Variants in ALDH5A1 observed in about 807,000 individuals in gnomAD.
The protein encoded by ALDH5A1 is aldehyde dehydrogenase 5 family member A1.
Under a neutral mutation model 54.7 loss-of-function variants are expected in ALDH5A1, and 33 were observed. The ratio of observed to expected loss-of-function variants is 0.60; its 90% confidence interval spans 0.46 to 0.81. ALDH5A1 has a LOEUF of 0.81. ALDH5A1 is among the 30% of genes least tolerant of loss of function. ALDH5A1 has a pLI of 0.00. For missense variants in ALDH5A1, 657 were observed against 711.0 expected (o/e 0.92, Z 0.86); for synonymous variants, 294 against 292.7 (o/e 1.00, Z -0.05).
chr6:24,527,559 G>A (rs141787617), intron 7 of ALDH5A1, among the ~76,000 whole-genome samples: 3,239 of 151,918 alleles, frequency 0.021, 117 homozygotes, highest in African/African-American at 0.074. Context: ...GTGACAGAGC[G>A]AGATTCCATC....
In ALDH5A1 at chr6:24,495,348, A is replaced by G; in HGVS notation, c.352A>G (p.Lys118Glu). 6.5e-7 allele frequency: 1 copy of G among 1,532,682 alleles called. No homozygotes were observed. Among genetic ancestry groups the G allele is most frequent in the Non-Finnish European group, 8.7e-7 (1 of 1,146,200 alleles). 94.9% of individuals were successfully genotyped at this position (1,532,682 alleles called of 1,614,324 possible). Reference sequence around the variant, plus strand: ...CTGCCGCTGGAGGGAGGTCTCCGCCAAGGTGAGAGAGCCCGGATGCAGGGG... The same window carrying G: ...CTGCCGCTGGAGGGAGGTCTCCGCCGAGGTGAGAGAGCCCGGATGCAGGGG... ...AFCRWREVSA[K>E]ERSSLLRKWY... Residue 118 changes from lysine to glutamate, a missense_variant and splice_region_variant, in exon 1 of 10, where the codon AAG becomes GAG. Lys to Glu is a moderately conservative substitution (Grantham distance 56). This residue lies in a region of ALDH5A1 where 232 missense variants were observed against 194.6 expected (regional missense o/e 1.19). Coordinates refer to ENST00000357578, the MANE Select transcript of ALDH5A1 (RefSeq NM_001080.3).
chr6:24,499,845 G>C (rs1269275929), intron 1 of ALDH5A1, among the ~76,000 whole-genome samples: 2 of 152,028 alleles, frequency 1.3e-5, no homozygotes, highest in Non-Finnish European at 2.9e-5. Context: ...ATTTTTAGTA[G>C]AGACGGGGTT....
chr6:24,527,942 A>G, intron 7 of ALDH5A1, 55 bp from the exon 8 acceptor site: 1 of 1,598,082 alleles, frequency 6.3e-7, no homozygotes, highest in South Asian at 1.1e-5. Context: ...CTGCAGTTTA[A>G]ACATTCTAAA....
chr6:24,513,819 T>C (rs1215464096), intron 4 of ALDH5A1, among the ~76,000 whole-genome samples: 6 of 151,298 alleles, frequency 4.0e-5, no homozygotes, highest in South Asian at 2.2e-4. Context: ...TGCTGCCCCC[T>C]GCTTCCTCTC....
intron 4 of ALDH5A1, among the ~76,000 whole-genome samples, chr6:24,508,157 G>A (rs1177107814): frequency 1.3e-5 from 2 of 151,870 alleles, no homozygotes; most frequent in East Asian, 3.9e-4. Context: ...AAGCTCAAGA[G>A]ATTGAGACCA....
rs1174814411 is a variant in ALDH5A1, at chr6:24,536,500, C to G, written c.*2788C>G. Reference sequence around the variant, plus strand: ...AAAGCCTAAAAGATTTACTACTTGTCTCCTTAAAGAAAAAGTTTGCCAGCT... The same window carrying G: ...AAAGCCTAAAAGATTTACTACTTGTGTCCTTAAAGAAAAAGTTTGCCAGCT... On this transcript the variant is annotated 3_prime_UTR_variant, in exon 10 of 10. Coordinates refer to ENST00000357578, the MANE Select transcript of ALDH5A1 (RefSeq NM_001080.3). 1 of 152,170 alleles carries G rather than the reference C, an allele frequency of 6.6e-6. No individual in the cohort carries two copies. 9.4% of individuals were successfully genotyped at this position (152,170 alleles called of 1,614,324 possible).
Position 24,522,756 on chromosome 6 carries a change from C to G in ALDH5A1, c.1015-11C>G, listed in dbSNP as rs1759719904. ...ACAGACTGTGTGGGTTTGTTTTTGT[C>G]TCCTGTCCAGACTTGTGTTTGCTCA... On this transcript the variant is annotated splice_polypyrimidine_tract_variant and intron_variant, in intron 6 of 9. Coordinates refer to ENST00000357578, the MANE Select transcript of ALDH5A1 (RefSeq NM_001080.3). 1.2e-6 allele frequency: 2 copies of G among 1,613,488 alleles called. No homozygotes were observed. Among genetic ancestry groups the G allele is most frequent in the Admixed American group, 1.7e-5 (1 of 59,966 alleles).
rs9461035 is a variant in ALDH5A1 at position 24,520,344 on chromosome 6, C to T, written c.871-57C>T. On this transcript the variant is annotated intron_variant, in intron 5 of 9. Transcript: ENST00000357578. Reference sequence around the variant, plus strand: ...ATTTGGTAATTTTTTTAAACAAAGGCTTAACAATCCTGGTAATGGATTTCT... The same window carrying T: ...ATTTGGTAATTTTTTTAAACAAAGGTTTAACAATCCTGGTAATGGATTTCT... The T allele has an allele frequency of 0.038, 60,406 of 1,609,466 alleles. 2,715 individuals carry two copies. The highest frequency in any genetic ancestry group is 0.22 in the African/African-American group (16,638 of 74,854).
intron 4 of ALDH5A1, 33 bp from the exon 5 acceptor site, chr6:24,515,134 T>C: frequency 7.4e-7 from 1 of 1,348,144 alleles, no homozygotes; most frequent in Non-Finnish European, 1.0e-6. Context: ...GTTTGGTAAA[T>C]TGTTGGCACA....
rs185215405 is a variant in ALDH5A1, at chr6:24,517,968, T to C, written c.871-2433T>C. ...AGGACAGCAGCCATGTTGTAAAGCATATGATACCTCATCTCTTCCTCTGTT... is the reference window on the plus strand; with the variant it reads ...AGGACAGCAGCCATGTTGTAAAGCACATGATACCTCATCTCTTCCTCTGTT... On this transcript the variant is annotated intron_variant, in intron 5 of 9. Transcript: ENST00000357578. Among the ~76,000 whole-genome samples the C allele has an allele frequency of 9.8e-4, 149 of 152,322 alleles. 1 individual carries two copies. The highest frequency in any genetic ancestry group is 3.5e-4 in the Non-Finnish European group (24 of 68,020).
chr6:24,522,623 A>T lies in ALDH5A1; in HGVS notation c.1015-144A>T, dbSNP rs180948463. The T allele has an allele frequency of 6.2e-4, 584 of 939,834 alleles. 5 individuals are homozygous for T. In the Middle Eastern group the frequency reaches 6.9e-3, roughly 11 times the overall value. The allele number at this position is 939,834 out of a possible 1,614,324, so 58.2% of individuals were successfully genotyped here. ...TGCTTTTATCTTTGGGGCCAAGCCCACGTGAGGAGGAAAATGGCAGTTTGA... is the reference window on the plus strand; with the variant it reads ...TGCTTTTATCTTTGGGGCCAAGCCCTCGTGAGGAGGAAAATGGCAGTTTGA... On this transcript the variant is annotated intron_variant, in intron 6 of 9. Coordinates refer to ENST00000357578, the MANE Select transcript of ALDH5A1 (RefSeq NM_001080.3).
At chr6:24,532,779 T>C (rs1430082383) in intron 9 of ALDH5A1, among the ~76,000 whole-genome samples, 1 of 152,092 alleles carries the variant, frequency 6.6e-6, no homozygotes, top group Non-Finnish European at 1.5e-5. Flanking sequence ...GCTTCCCCTC[T>C]AGCTGTAAGA....
At chr6:24,522,166 T>C (rs1041975774) in intron 6 of ALDH5A1, among the ~76,000 whole-genome samples, 6 of 152,090 alleles carry the variant, frequency 3.9e-5, no homozygotes, top group Non-Finnish European at 8.8e-5. Flanking sequence ...AAAAATTAGC[T>C]GGGCATGGTG....
chr6:24,506,273 T>TTTG lies in ALDH5A1; in HGVS notation c.726+1288_726+1289insTTG, dbSNP rs1390825941. 4.8e-5 allele frequency among the ~76,000 whole-genome samples: 5 copies of TTTG among 105,012 alleles called. 1 individual carries two copies. The highest frequency in any genetic ancestry group is 5.5e-5 in the Non-Finnish European group (3 of 54,406). The allele number at this position is 105,012 out of a possible 152,430, so 68.9% of individuals were successfully genotyped here. On this transcript the variant is annotated intron_variant, in intron 4 of 9. Transcript: ENST00000357578. ...TTTTTTTTTTTTTTTTTTTTTTTTT[T>TTTG]GAGACAGTCTCGCTCTGTCACCCAG...
intron 5 of ALDH5A1, among the ~76,000 whole-genome samples, chr6:24,519,841 T>G (rs1299199780): frequency 6.6e-6 from 1 of 152,076 alleles, no homozygotes; most frequent in African/African-American, 2.4e-5. Context: ...CAGTGTAAGC[T>G]GTGGGTTGTG....
intron 9 of ALDH5A1, 124 bp from the exon 10 acceptor site, chr6:24,533,383 G>C: frequency 1.0e-6 from 1 of 971,162 alleles, no homozygotes; most frequent in East Asian, 2.6e-5. Flanking sequence ...ACTTTATCTG[G>C]GAGCAGGGAA....
chr6:24,495,546 A>G (rs1398920659), intron 1 of ALDH5A1, among the ~76,000 whole-genome samples, 196 bp downstream of exon 1: 1 of 152,182 alleles, frequency 6.6e-6, no homozygotes, highest in Non-Finnish European at 1.5e-5. Flanking sequence ...TGAGCCGGGC[A>G]CTAGGGACAC....
At chr6:24,506,336 CTCTGCCTCCCAGGTTCAAGCAATTT>C (rs1242950733) in intron 4 of ALDH5A1, among the ~76,000 whole-genome samples, 1 of 138,258 alleles carries the variant, frequency 7.2e-6, no homozygotes, top group Non-Finnish European at 1.5e-5. Context: ...TCACTGCAAC[CTCTGCCTCCCAGGTTCAAGCAATTT>C]TCTGCCTCAG....
chr6:24,522,522 A>G (rs1366507042), intron 6 of ALDH5A1: 3 of 291,614 alleles, frequency 1.0e-5, no homozygotes, highest in East Asian at 6.3e-5. Context: ...CTTATTGCCA[A>G]CTAATCACTG....
Sources: gnomAD v4.1 joint callset for allele counts (sites outside exome capture counted in the v4.1 genomes callset) on GRCh38, gnomAD v4.1.1 for gene constraint, gnomAD v4.1.1 regional missense constraint, MANE v1.5 for transcripts, NCBI Gene and HGNC (gene_info 2026-07-23, HGNC 2026-07-21) for gene names.